The following DCC variants were observed in gnomAD, a reference collection of about 807,000 sequenced individuals.
The protein encoded by DCC is netrin receptor DCC.
Under a neutral mutation model 172.5 loss-of-function variants are expected in DCC, and 58 were observed. That is an observed-to-expected ratio of 0.34 (90% CI 0.27 to 0.42). DCC has a LOEUF of 0.42. DCC is among the 10% of genes least tolerant of loss of function. The probability of loss-of-function intolerance (pLI) is 1.00; values close to 1 mark genes in which losing one functional copy is unlikely to be tolerated. For synonymous variants in DCC, 709 were observed against 644.5 expected (o/e 1.10, Z -1.52); for missense variants, 1,740 against 1,791.0 (o/e 0.97, Z 0.51).
chr18:52,952,652 C>A (rs1311760734), intron 5 of DCC, among the ~76,000 whole-genome samples: 1 of 152,190 alleles, frequency 6.6e-6, no homozygotes, highest in East Asian at 1.9e-4. Flanking sequence ...ATAAACAGAG[C>A]TAATTTACTT....
intron 7 of DCC, among the ~76,000 whole-genome samples, chr18:53,072,062 G>A (rs2042659708): frequency 6.6e-6 from 1 of 152,154 alleles, no homozygotes; most frequent in African/African-American, 2.4e-5. Flanking sequence ...CCGGAGGGCA[G>A]AGATTACAGT....
chr18:53,488,660 T>C (rs1414994622), intron 26 of DCC, among the ~76,000 whole-genome samples: 3 of 152,142 alleles, frequency 2.0e-5, no homozygotes, highest in Non-Finnish European at 2.9e-5. Flanking sequence ...ATTCCAAAAG[T>C]TAAAGCTCAA....
At chr18:53,342,488 A>G (rs531006752) in intron 15 of DCC, among the ~76,000 whole-genome samples, 2 of 151,804 alleles carry the variant, frequency 1.3e-5, no homozygotes, top group East Asian at 1.9e-4. Context: ...CTATCTTTAT[A>G]TCTTTATTCA....
chr18:53,300,336 C>T (rs993713086), intron 12 of DCC, among the ~76,000 whole-genome samples: 4 of 152,098 alleles, frequency 2.6e-5, no homozygotes, highest in Non-Finnish European at 1.5e-5. Context: ...GAAAGAGATG[C>T]TCTGTCTTCT....
At chr18:52,427,365 AT>A (rs1313899380) in intron 1 of DCC, among the ~76,000 whole-genome samples, 2 of 151,638 alleles carry the variant, frequency 1.3e-5, no homozygotes, top group African/African-American at 2.4e-5. Flanking sequence ...CTTTTTGAGA[AT>A]TTTTTTTAAA....
chr18:53,317,143 T>C (rs1398188817), intron 13 of DCC, among the ~76,000 whole-genome samples: 1 of 152,232 alleles, frequency 6.6e-6, no homozygotes, highest in Non-Finnish European at 1.5e-5. Flanking sequence ...ATTGAAAGTT[T>C]TTAGCATGAA....
At chr18:53,455,684 T>G (rs2045474194) in intron 23 of DCC, among the ~76,000 whole-genome samples, 1 of 152,220 alleles carries the variant, frequency 6.6e-6, no homozygotes, top group Non-Finnish European at 1.5e-5. Flanking sequence ...AAAATCTTTT[T>G]GCAATTTCCC....
chr18:53,415,458 A>G (rs1910255703), intron 20 of DCC, among the ~76,000 whole-genome samples: 1 of 152,188 alleles, frequency 6.6e-6, no homozygotes, highest in South Asian at 2.1e-4. Flanking sequence ...AATACTAGAG[A>G]TTTACCTCTT....
intron 28 of DCC, among the ~76,000 whole-genome samples, chr18:53,528,161 A>T (rs2046480401): frequency 1.3e-5 from 2 of 152,136 alleles, no homozygotes; most frequent in African/African-American, 4.8e-5. Flanking sequence ...GGTTGTTGTT[A>T]AAAACAAAGA....
chr18:53,331,759 T>G (rs958647492), intron 14 of DCC, among the ~76,000 whole-genome samples: 1 of 152,122 alleles, frequency 6.6e-6, no homozygotes, highest in East Asian at 1.9e-4. Context: ...GTCTAATTTT[T>G]GGGCCAAAAA....
At position 52,377,246 on chromosome 18, in the gene DCC, C is replaced by T. The variant is rs182226576; in HGVS notation, c.91+36368C>T. Among the ~76,000 whole-genome samples the T allele has an allele frequency of 4.1e-4, 63 of 152,246 alleles. No individual in the cohort carries two copies. The East Asian group carries it at 0.012, about 28-fold the overall frequency. On this transcript the variant is annotated intron_variant, in intron 1 of 28. Transcript: ENST00000442544. ...TTATGATTTTTCCAGAAGAGAGGAA[C>T]CAGCCTACATTACTATCCTGAGCAC...
intron 1 of DCC, among the ~76,000 whole-genome samples, chr18:52,399,291 T>C (rs927054693): frequency 3.3e-5 from 5 of 152,008 alleles, no homozygotes; most frequent in Non-Finnish European, 2.9e-5. Flanking sequence ...AACTTCCTCC[T>C]AGCTCTAGTT....
At chr18:52,540,849 G>T (rs1449124977) in intron 1 of DCC, among the ~76,000 whole-genome samples, 2 of 151,812 alleles carry the variant, frequency 1.3e-5, no homozygotes, top group Non-Finnish European at 2.9e-5. Flanking sequence ...TTCGTGATCC[G>T]CCCGCCTCGG....
intron 1 of DCC, among the ~76,000 whole-genome samples, chr18:52,422,742 G>A (rs1289675029): frequency 6.6e-6 from 1 of 152,172 alleles, no homozygotes; most frequent in Non-Finnish European, 1.5e-5. Flanking sequence ...AAAGGAAGCG[G>A]CAATGGGGTG....
chr18:52,964,582 G>A (rs2145574965), intron 5 of DCC, among the ~76,000 whole-genome samples: 1 of 152,106 alleles, frequency 6.6e-6, no homozygotes, highest in South Asian at 2.1e-4. Context: ...CTATTTTCTA[G>A]TTTAAAAAGT....
At chr18:52,666,912 TA>T (rs1308274101) in intron 1 of DCC, among the ~76,000 whole-genome samples, 1 of 152,230 alleles carries the variant, frequency 6.6e-6, no homozygotes, top group Admixed American at 6.5e-5. Context: ...GAAAAATAAT[TA>T]AAATTATCTC....
At chr18:53,449,289 A>G (rs184863973) in intron 22 of DCC, among the ~76,000 whole-genome samples, 19 of 152,328 alleles carry the variant, frequency 1.2e-4, no homozygotes, top group Admixed American at 3.3e-4. Flanking sequence ...AGAACAGAGT[A>G]TTGCTAGTTG....
chr18:52,840,407 CT>C (rs1469881007), intron 2 of DCC, among the ~76,000 whole-genome samples: 1 of 152,182 alleles, frequency 6.6e-6, no homozygotes, highest in East Asian at 1.9e-4. Flanking sequence ...GATTGATTTT[CT>C]GATTTACTAG....
At chr18:52,830,637 T>C (rs1039570358) in intron 2 of DCC, among the ~76,000 whole-genome samples, 1 of 152,172 alleles carries the variant, frequency 6.6e-6, no homozygotes, top group Admixed American at 6.5e-5. Context: ...AATTAGTCAC[T>C]CATTTATAGA....
Sources: allele counts gnomAD v4.1 joint callset (sites outside exome capture counted in the v4.1 genomes callset), GRCh38; gene constraint gnomAD v4.1.1; transcripts MANE v1.5; gene names NCBI Gene and HGNC (gene_info 2026-07-23, HGNC 2026-07-21).